FZD5: variants seen among roughly 807,000 people sequenced by gnomAD.
The protein encoded by FZD5 is frizzled class receptor 5, also known as frizzled-5.
FZD5 carries 12 observed loss-of-function variants against 40.8 expected under a neutral mutation model. The observed-to-expected ratio is 0.29, with a 90% CI of 0.19 to 0.48. The LOEUF (loss-of-function observed/expected upper bound fraction) is 0.48, where lower values mean the gene tolerates loss of function less well. FZD5 is among the 20% of genes least tolerant of loss of function. The pLI is 0.99. For missense variants in FZD5, 622 were observed against 832.8 expected, an observed-to-expected ratio of 0.75 and a Z score of 3.12; for synonymous variants, 380 against 383.7, an observed-to-expected ratio of 0.99 and a Z score of 0.11.
chr2:207,765,483 T>C lies in FZD5; in HGVS notation c.*1499A>G, dbSNP rs1179642441. The C allele has an allele frequency of 1.3e-5, 2 of 152,234 alleles. No homozygotes were observed. Among genetic ancestry groups the C allele is most frequent in the Non-Finnish European group, 2.9e-5 (2 of 68,042 alleles). The allele number at this position is 152,234 out of a possible 1,614,324, so 9.4% of individuals were successfully genotyped here. On this transcript the variant is annotated 3_prime_UTR_variant, in exon 2 of 2. Coordinates refer to ENST00000295417, the MANE Select transcript of FZD5 (RefSeq NM_003468.4). ...GTATGTTCATCAATATAAGCGTTCA[T>C]AATGAATGAAGGAATAGTTAAACAG...
chr2:207,768,265 G>A lies in FZD5; in HGVS notation c.475C>T (p.Pro159Ser). The A allele has an allele frequency of 3.2e-6, 5 of 1,545,556 alleles. No individual in the cohort carries two copies. Among genetic ancestry groups the A allele is most frequent in the East Asian group, 2.4e-5 (1 of 41,360 alleles). ...DYNRSEATTA[P>S]PRPFPAKPTL... ...GGCTTGGCTGGGAAAGGCCTGGGGG[G>A]CGCCGTGGTGGCCTCGCTGCGGTTG... The change falls in exon 2 of 2, where the codon CCC becomes TCC. Residue 159 changes from proline to serine, a missense_variant. Physicochemically the swap from Pro to Ser is moderately conservative, Grantham distance 74. Transcript: ENST00000295417.
rs754063870 is a variant in FZD5 at position 207,767,115 on chromosome 2, C to G, written c.1625G>C (p.Arg542Pro). The G allele has an allele frequency of 6.4e-7, 1 of 1,564,822 alleles. No homozygotes were observed. The highest frequency in any genetic ancestry group is 8.7e-7 in the Non-Finnish European group (1 of 1,155,686). The change falls in exon 2 of 2, where the codon CGG becomes CCG. Residue 542 changes from arginine to proline, a missense_variant. Transcript: ENST00000295417. ...GGCGCCCCCGCTCTTGTGGCCGCGC[C>G]GCGGGCGGCAGCAGCAGCGGCTGGT... Reference protein sequence around the residue: ...RFTSRCCCRPRRGHKSGGAMA... With the variant: ...RFTSRCCCRPPRGHKSGGAMA...
In FZD5 at chr2:207,768,722, T is replaced by C; in HGVS notation, c.18A>G (p.Pro6=). Residue 6 remains proline (P), a synonymous_variant, in exon 2 of 2, where the codon CCA becomes CCG. Coordinates refer to ENST00000295417, the MANE Select transcript of FZD5 (RefSeq NM_003468.4). MARPD[P]SAPPSLLLLL... Reference sequence around the variant, plus strand: ...GCAGCAACAGCGAGGGCGGCGCGGATGGGTCAGGCCGAGCCATCGCCCCCT... The same window carrying C: ...GCAGCAACAGCGAGGGCGGCGCGGACGGGTCAGGCCGAGCCATCGCCCCCT... 1.3e-6 allele frequency: 2 copies of C among 1,585,984 alleles called. No homozygotes were observed. Among genetic ancestry groups the C allele is most frequent in the Non-Finnish European group, 1.7e-6 (2 of 1,166,992 alleles).
rs762358108 is a variant in FZD5, at chr2:207,767,098, C to T, written c.1642G>A (p.Gly548Arg). Residue 548 changes from glycine (G) to arginine (R), a missense_variant, in exon 2 of 2, where the codon GGG (glycine) becomes AGG (arginine). Around this residue, in one of 4 missense-constraint regions of FZD5, gnomAD observed 154 missense variants for 152.1 expected, o/e 1.01. Transcript: ENST00000295417. ...TAGTCCCCTGCGGCCATGGCGCCCC[C>T]GCTCTTGTGGCCGCGCCGCGGGCGG... is the stretch of plus-strand genomic sequence containing the variant. ...CCRPRRGHKS[G>R]GAMAAGDYPE... The T allele has an allele frequency of 1.2e-5, 19 of 1,586,924 alleles. No homozygotes were observed. In the East Asian group the frequency reaches 3.0e-4, roughly 25 times the overall value.
Position 207,763,376 on chromosome 2 carries a change from C to T in FZD5, c.*3606G>A, listed in dbSNP as rs963817039. On this transcript the variant is annotated 3_prime_UTR_variant, in exon 2 of 2. Transcript: ENST00000295417. ...AGGTTAGCTACTTATATTCTGCCTA[C>T]TCTTCACCCTTCTTTAACGTCTTGG... 3.9e-5 allele frequency: 6 copies of T among 152,598 alleles called. No individual in the cohort carries two copies. Among genetic ancestry groups the T allele is most frequent in the African/African-American group, 1.4e-4 (6 of 41,444 alleles). The allele number at this position is 152,598 out of a possible 1,614,324, so 9.5% of individuals were successfully genotyped here. A position where few individuals can be genotyped will look rare whatever the true frequency, so the allele number is the denominator to read the frequency against.
In FZD5 at chr2:207,768,036, G is replaced by A. The variant is rs2091989448; in HGVS notation, c.704C>T (p.Ala235Val). The change falls in exon 2 of 2, where the codon GCC (alanine) becomes GTC (valine). Residue 235 changes from alanine (A) to valine (V), a missense_variant. Transcript: ENST00000295417. Reference protein sequence around the residue: ...PSFSADERTFATFWIGLWSVL... With the variant: ...PSFSADERTFVTFWIGLWSVL... ...CGACCACAGGCCTATCCAGAAGGTG[G>A]CGAACGTGCGCTCGTCGGCACTGAA... 1 of 1,611,290 alleles carries A rather than the reference G, an allele frequency of 6.2e-7. No homozygotes were observed. The highest frequency in any genetic ancestry group is 8.5e-7 in the Non-Finnish European group (1 of 1,178,818).
Position 207,763,530 on chromosome 2 carries a change from G to A in FZD5, c.*3452C>T, listed in dbSNP as rs2091965138. On this transcript the variant is annotated 3_prime_UTR_variant, in exon 2 of 2. Transcript: ENST00000295417. The stretch of plus-strand genomic sequence containing the variant: ...TTCTTAGCCACTGTCCCTCACACCT[G>A]CCTATACGTGTGATGTGCTCTGTCC... The A allele has an allele frequency of 6.6e-6, 1 of 152,648 alleles. No homozygotes were observed. The highest frequency in any genetic ancestry group is 2.1e-4 in the South Asian group (1 of 4,832). The allele number at this position is 152,648 out of a possible 1,614,324, so 9.5% of individuals were successfully genotyped here.
chr2:207,768,918 T>G lies in FZD5; in HGVS notation c.-179A>C. 1 of 601,902 alleles carries G rather than the reference T, an allele frequency of 1.7e-6. No individual in the cohort carries two copies. Among genetic ancestry groups the G allele is most frequent in the Non-Finnish European group, 3.0e-6 (1 of 336,168 alleles). 37.3% of individuals were successfully genotyped at this position (601,902 alleles called of 1,614,324 possible). On this transcript the variant is annotated 5_prime_UTR_variant, in exon 2 of 2. Coordinates refer to ENST00000295417, the MANE Select transcript of FZD5 (RefSeq NM_003468.4). ...TAAACTGCTTCGGGAAGGCGCTGCCTCCGCTGGCAGCGCTCCGCTCCTCGC... is the reference window on the plus strand; with the variant it reads ...TAAACTGCTTCGGGAAGGCGCTGCCGCCGCTGGCAGCGCTCCGCTCCTCGC...
Position 207,764,892 on chromosome 2 carries a change from A to G in FZD5, c.*2090T>C, listed in dbSNP as rs2091971619. 6.6e-6 allele frequency: 1 copy of G among 152,218 alleles called. No individual in the cohort carries two copies. 9.4% of individuals were successfully genotyped at this position (152,218 alleles called of 1,614,324 possible). A position where few individuals can be genotyped will look rare whatever the true frequency, so the allele number is the denominator to read the frequency against. ...TTTGAAAAACAGGAGAGGAATTGGCATTCAGTCAAGGGATCTATTTCAAGA... is the reference window on the plus strand; with the variant it reads ...TTTGAAAAACAGGAGAGGAATTGGCGTTCAGTCAAGGGATCTATTTCAAGA... On this transcript the variant is annotated 3_prime_UTR_variant, in exon 2 of 2. Coordinates refer to ENST00000295417, the MANE Select transcript of FZD5 (RefSeq NM_003468.4).
Position 207,768,598 on chromosome 2 carries a change from G to A in FZD5, c.142C>T (p.Leu48=). ...VPMCRGIGYN[L]THMPNQFNHD... ...TTGAACTGGTTGGGCATGTGCGTCAGGTTGTAGCCGATGCCGCGGCACATG... is the reference window on the plus strand; with the variant it reads ...TTGAACTGGTTGGGCATGTGCGTCAAGTTGTAGCCGATGCCGCGGCACATG... Residue 48 remains leucine, a synonymous_variant, in exon 2 of 2, where the codon CTG becomes TTG. Coordinates refer to ENST00000295417, the MANE Select transcript of FZD5 (RefSeq NM_003468.4). 2 of 1,613,876 alleles carry A rather than the reference G, an allele frequency of 1.2e-6. No homozygotes were observed. The highest frequency in any genetic ancestry group is 1.7e-6 in the Non-Finnish European group (2 of 1,179,860).
Position 207,767,367 on chromosome 2 carries a change from G to C in FZD5, c.1373C>G (p.Thr458Arg). The C allele has an allele frequency of 1.9e-6, 3 of 1,612,442 alleles. No homozygotes were observed. The highest frequency in any genetic ancestry group is 2.5e-6 in the Non-Finnish European group (3 of 1,179,928). Residue 458 changes from threonine to arginine, a missense_variant, in exon 2 of 2, where the codon ACG becomes AGG. This residue lies in a region of FZD5 where 208 missense variants were observed against 348.9 expected (regional missense o/e 0.60). Transcript: ENST00000295417. ...IRIGIFTLLY[T>R]VPASIVVACY... The stretch of plus-strand genomic sequence containing the variant: ...GGCCACCACAATGCTGGCGGGGACC[G>C]TGTAGAGCAGCGTGAAGATGCCGAT...
rs1018208960 is a variant in FZD5 at position 207,763,341 on chromosome 2, G to A, written c.*3641C>T. ...GTCATCAGGCTGCTAGCTTTTGAGA[G>A]TCTTGACTCAGGTTAGCTACTTATA... On this transcript the variant is annotated 3_prime_UTR_variant, in exon 2 of 2. Coordinates refer to ENST00000295417, the MANE Select transcript of FZD5 (RefSeq NM_003468.4). 1.3e-5 allele frequency: 2 copies of A among 152,614 alleles called. No homozygotes were observed. The highest frequency in any genetic ancestry group is 4.8e-5 in the African/African-American group (2 of 41,448). 9.5% of individuals were successfully genotyped at this position (152,614 alleles called of 1,614,324 possible).
In FZD5 at chr2:207,767,070, G is replaced by C. The variant is rs769272873; in HGVS notation, c.1670C>G (p.Pro557Arg). Residue 557 changes from proline (P) to arginine (R), a missense_variant, in exon 2 of 2, where the codon CCC (proline) becomes CGC (arginine). Coordinates refer to ENST00000295417, the MANE Select transcript of FZD5 (RefSeq NM_003468.4). ...SGGAMAAGDYPEASAALTGRT... is the reference protein window; with the variant it reads ...SGGAMAAGDYREASAALTGRT... ...GCCTGTGAGCGCGGCGCTCGCCTCG[G>C]GGTAGTCCCCTGCGGCCATGGCGCC... 1 of 1,589,948 alleles carries C rather than the reference G, an allele frequency of 6.3e-7. No individual in the cohort carries two copies. Among genetic ancestry groups the C allele is most frequent in the Non-Finnish European group, 8.5e-7 (1 of 1,170,278 alleles).
In FZD5 at chr2:207,765,530, C is replaced by G. The variant is rs1326861832; in HGVS notation, c.*1452G>C. On this transcript the variant is annotated 3_prime_UTR_variant, in exon 2 of 2. Coordinates refer to ENST00000295417, the MANE Select transcript of FZD5 (RefSeq NM_003468.4). ...ACAGATTAGTAAAGCAAACCAAATT[C>G]TCTAATTGCAAAGTGTGTGTGTGTG... 6.6e-6 allele frequency: 1 copy of G among 152,266 alleles called. No homozygotes were observed. Among genetic ancestry groups the G allele is most frequent in the African/African-American group, 2.4e-5 (1 of 41,426 alleles). 9.4% of individuals were successfully genotyped at this position (152,266 alleles called of 1,614,324 possible).
Position 207,766,936 on chromosome 2 carries a change from C to T in FZD5, c.*46G>A. ...CTTGGCAAAACTACCAAACAAAACG[C>T]CCCCCTCCCCTCAGCTCTCCGGCCG... On this transcript the variant is annotated 3_prime_UTR_variant, in exon 2 of 2. Coordinates refer to ENST00000295417, the MANE Select transcript of FZD5 (RefSeq NM_003468.4). The T allele has an allele frequency of 7.3e-7, 1 of 1,371,096 alleles. No homozygotes were observed. Among genetic ancestry groups the T allele is most frequent in the Admixed American group, 2.9e-5 (1 of 34,344 alleles). 84.9% of individuals were successfully genotyped at this position (1,371,096 alleles called of 1,614,324 possible). A position where few individuals can be genotyped will look rare whatever the true frequency, so the allele number is the denominator to read the frequency against.
chr2:207,766,895 G>C lies in FZD5; in HGVS notation c.*87C>G. ...CGGGAGGGGGCAACAGCACCATGAA[G>C]GTAAACGGAAGTGACCTTGGCAAAA... On this transcript the variant is annotated 3_prime_UTR_variant, in exon 2 of 2. Coordinates refer to ENST00000295417, the MANE Select transcript of FZD5 (RefSeq NM_003468.4). The C allele has an allele frequency of 9.0e-7, 1 of 1,106,056 alleles. No homozygotes were observed. Among genetic ancestry groups the C allele is most frequent in the Non-Finnish European group, 1.2e-6 (1 of 815,726 alleles). The allele number at this position is 1,106,056 out of a possible 1,614,324, so 68.5% of individuals were successfully genotyped here.
rs934311735 is a variant in FZD5, at chr2:207,765,273, A to G, written c.*1709T>C. 3.3e-5 allele frequency: 5 copies of G among 152,190 alleles called. No individual in the cohort carries two copies. Among genetic ancestry groups the G allele is most frequent in the African/African-American group, 1.2e-4 (5 of 41,428 alleles). The allele number at this position is 152,190 out of a possible 1,614,324, so 9.4% of individuals were successfully genotyped here. A position where few individuals can be genotyped will look rare whatever the true frequency, so the allele number is the denominator to read the frequency against. On this transcript the variant is annotated 3_prime_UTR_variant, in exon 2 of 2. Transcript: ENST00000295417. ...TGTTTTCCTAGACAGGATTTTCTCA[A>G]ATGTTAATTGCTCTGGCCATTTTAG...
rs1480332694 is a variant in FZD5 at position 207,767,768 on chromosome 2, G to A, written c.972C>T (p.Phe324=). Residue 324 remains phenylalanine (F), a synonymous_variant, in exon 2 of 2, where the codon TTC becomes TTT. Coordinates refer to ENST00000295417, the MANE Select transcript of FZD5 (RefSeq NM_003468.4). The part of the protein sequence containing the change: ...LCTIVFLLVY[F]FGMASSIWWV... ...ACCAGATGGAGCTGGCCATGCCGAAGAAGTAGACCAGGAGGAAGACGATGG... is the reference window on the plus strand; with the variant it reads ...ACCAGATGGAGCTGGCCATGCCGAAAAAGTAGACCAGGAGGAAGACGATGG... 2 of 1,614,064 alleles carry A rather than the reference G, an allele frequency of 1.2e-6. No individual in the cohort carries two copies. The highest frequency in any genetic ancestry group is 2.2e-5 in the East Asian group (1 of 44,882).
In FZD5 at chr2:207,766,862, A is replaced by T; in HGVS notation, c.*120T>A. Reference sequence around the variant, plus strand: ...AAAACGCCCCTCTTCCCTCTCTCCAAGTCGCCGCGGGAGGGGGCAACAGCA... The same window carrying T: ...AAAACGCCCCTCTTCCCTCTCTCCATGTCGCCGCGGGAGGGGGCAACAGCA... On this transcript the variant is annotated 3_prime_UTR_variant, in exon 2 of 2. Coordinates refer to ENST00000295417, the MANE Select transcript of FZD5 (RefSeq NM_003468.4). 1.3e-6 allele frequency: 1 copy of T among 791,144 alleles called. No individual in the cohort carries two copies. Among genetic ancestry groups the T allele is most frequent in the South Asian group, 2.9e-5 (1 of 33,930 alleles). 49.0% of individuals were successfully genotyped at this position (791,144 alleles called of 1,614,324 possible).
Sources: allele counts gnomAD v4.1 joint callset, GRCh38; gene constraint gnomAD v4.1.1; regional missense constraint gnomAD v4.1.1; transcripts MANE v1.5; gene names NCBI Gene and HGNC (gene_info 2026-07-23, HGNC 2026-07-21).